The following GPC6 variants were observed in gnomAD, a reference collection of about 807,000 sequenced individuals.
The protein encoded by GPC6 is glypican-6.
A neutral mutation model predicts 55.2 loss-of-function variants in GPC6; 14 were observed. That is an observed-to-expected ratio of 0.25 (90% CI 0.17 to 0.40). The LOEUF (loss-of-function observed/expected upper bound fraction) is 0.40, where lower values mean the gene tolerates loss of function less well. Among genes scored for constraint, GPC6 ranks in the 10% least tolerant of loss-of-function variants. The pLI, the probability that GPC6 is intolerant of heterozygous loss-of-function variation, is 1.00. For synonymous variants in GPC6, 278 were observed against 259.6 expected, an observed-to-expected ratio of 1.07 and a Z score of -0.68; for missense variants, 641 against 708.5, an observed-to-expected ratio of 0.90 and a Z score of 1.08.
chr13:93,554,352 G>C (rs1333520393), intron 2 of GPC6, among the ~76,000 whole-genome samples: 6 of 152,098 alleles, frequency 3.9e-5, no homozygotes, highest in African/African-American at 1.4e-4. Flanking sequence ...TCAATTCCAG[G>C]CTACTTAGCT....
At chr13:93,378,675 T>G (rs771542403) in intron 1 of GPC6, among the ~76,000 whole-genome samples, 18 of 152,154 alleles carry the variant, frequency 1.2e-4, no homozygotes, top group Admixed American at 4.6e-4. Context: ...GATATGTCAC[T>G]TCACCTATCC....
At chr13:94,120,330 A>G (rs1218304873) in intron 4 of GPC6, among the ~76,000 whole-genome samples, 2 of 152,094 alleles carry the variant, frequency 1.3e-5, no homozygotes. Flanking sequence ...AGCAGAAAAC[A>G]TTTGGACAAA....
intron 4 of GPC6, among the ~76,000 whole-genome samples, chr13:94,119,800 T>C (rs1382475345): frequency 1.3e-5 from 2 of 152,038 alleles, no homozygotes; most frequent in African/African-American, 4.8e-5. Context: ...CTTGGGGGAA[T>C]GAAGGGGAAG....
chr13:93,227,152 T>G lies in GPC6; in HGVS notation c.-305T>G. The stretch of plus-strand genomic sequence containing the variant: ...CAGCTCTGAACCCCCATGGTGGTTT[T>G]TTAAACACTTCTTTTCCTTCTCTTC... On this transcript the variant is annotated 5_prime_UTR_variant, in exon 1 of 9. Transcript: ENST00000377047. This position sits in a 1 kb window ranked among gnomAD's most constrained non-coding sequence, Gnocchi z 4.3. 1 of 247,548 alleles carries G rather than the reference T, an allele frequency of 4.0e-6. No homozygotes were observed. The allele number at this position is 247,548 out of a possible 1,614,324, so 15.3% of individuals were successfully genotyped here. A position where few individuals can be genotyped will look rare whatever the true frequency, so the allele number is the denominator to read the frequency against.
At chr13:93,422,463 A>G (rs1876957405) in intron 1 of GPC6, among the ~76,000 whole-genome samples, 1 of 152,218 alleles carries the variant, frequency 6.6e-6, no homozygotes, top group Non-Finnish European at 1.5e-5. Flanking sequence ...ATGTGTTGAA[A>G]ATTTGTAGTT....
At chr13:93,781,488 C>A (rs1262113726) in intron 2 of GPC6, among the ~76,000 whole-genome samples, 1 of 152,094 alleles carries the variant, frequency 6.6e-6, no homozygotes, top group African/African-American at 2.4e-5. Context: ...TGTACACATC[C>A]AGGATCCTTT....
At chr13:93,490,514 G>GTTTTTTTTC (rs1879938310) in intron 1 of GPC6, among the ~76,000 whole-genome samples, 1 of 35,320 alleles carries the variant, frequency 2.8e-5, no homozygotes, top group African/African-American at 1.2e-4. Flanking sequence ...TTTTTTTTGA[G>GTTTTTTTTC]TTTTTTTTTT....
chr13:93,929,482 C>A (rs537183495), intron 3 of GPC6, among the ~76,000 whole-genome samples: 2 of 152,212 alleles, frequency 1.3e-5, no homozygotes, highest in African/African-American at 4.8e-5. Flanking sequence ...ACATTTTATA[C>A]AAAATTAGAG....
At chr13:93,480,826 TTTTG>T (rs1244482850) in intron 1 of GPC6, among the ~76,000 whole-genome samples, 6 of 152,224 alleles carry the variant, frequency 3.9e-5, no homozygotes, top group Non-Finnish European at 8.8e-5. Context: ...ACATGCCACT[TTTTG>T]TTTATCTGTT....
At position 93,448,373 on chromosome 13, in the gene GPC6, T is replaced by C. The variant is rs76651438; in HGVS notation, c.161-96890T>C. Among the ~76,000 whole-genome samples the C allele has an allele frequency of 4.0e-3, 603 of 152,292 alleles. 5 individuals are homozygous for C. Among genetic ancestry groups the C allele is most frequent in the African/African-American group, 0.014 (576 of 41,566 alleles). On this transcript the variant is annotated intron_variant, in intron 1 of 8. Coordinates refer to ENST00000377047, the MANE Select transcript of GPC6 (RefSeq NM_005708.5). ...TTGGTGTACAGTATGCTATATCATC[T>C]AGGTTTATGTAAGTACACTCTATGA... is the stretch of plus-strand genomic sequence containing the variant.
In GPC6 at chr13:93,244,344, C is replaced by G. The variant is rs568318122; in HGVS notation, c.160+16728C>G. ...GACTTCCCCCGCAAGACAGAAACCG[C>G]AGCTCTTAGGCCACACCCCTTCTAG... On this transcript the variant is annotated intron_variant, in intron 1 of 8. Transcript: ENST00000377047. 1.4e-3 allele frequency among the ~76,000 whole-genome samples: 206 copies of G among 152,324 alleles called. 3 individuals are homozygous for G. In the South Asian group the frequency reaches 0.024, roughly 17 times the overall value.
chr13:93,829,397 C>T lies in GPC6; in HGVS notation c.320-757C>T, dbSNP rs189650161. Among the ~76,000 whole-genome samples the T allele has an allele frequency of 4.2e-4, 64 of 152,240 alleles. 2 individuals carry two copies. The highest frequency in any genetic ancestry group is 1.9e-4 in the East Asian group (1 of 5,180). The stretch of plus-strand genomic sequence containing the variant: ...ATAAGGGATCCCAGTAACACTCAAG[C>T]GCTGTTGCAAAGTGGAAGATTTGAA... On this transcript the variant is annotated intron_variant, in intron 2 of 8. Transcript: ENST00000377047.
Position 93,426,356 on chromosome 13 carries a change from A to G in GPC6, c.161-118907A>G, listed in dbSNP as rs182936931. On this transcript the variant is annotated intron_variant, in intron 1 of 8. Coordinates refer to ENST00000377047, the MANE Select transcript of GPC6 (RefSeq NM_005708.5). ...ACCCATTAACTCGTCATCTAGCATT[A>G]GGTATATCTCCTAAAGCTATCCCTT... Among the ~76,000 whole-genome samples, 1,202 of 151,574 alleles carry G rather than the reference A, an allele frequency of 7.9e-3. 17 individuals are homozygous for G. The highest frequency in any genetic ancestry group is 0.028 in the African/African-American group (1,136 of 41,302).
At chr13:93,490,761 T>A (rs897340900) in intron 1 of GPC6, among the ~76,000 whole-genome samples, 2 of 120,682 alleles carry the variant, frequency 1.7e-5, no homozygotes, top group African/African-American at 6.2e-5. Flanking sequence ...TGAGTGAGAA[T>A]ATGCGGTGTT....
intron 6 of GPC6, among the ~76,000 whole-genome samples, chr13:94,342,508 G>A (rs1369189007): frequency 1.3e-5 from 2 of 152,196 alleles, no homozygotes; most frequent in Non-Finnish European, 2.9e-5. Context: ...GGAGAGAGCA[G>A]TGCACAGATC....
At chr13:93,728,368 C>A (rs968535423) in intron 2 of GPC6, among the ~76,000 whole-genome samples, 1 of 151,506 alleles carries the variant, frequency 6.6e-6, no homozygotes. Flanking sequence ...AGGCCTACCA[C>A]CACGCCTGGC....
At position 93,323,570 on chromosome 13, in the gene GPC6, G is replaced by A. The variant is rs376479807; in HGVS notation, c.160+95954G>A. On this transcript the variant is annotated intron_variant, in intron 1 of 8. Transcript: ENST00000377047. ...ATTTTGTGTGGGGTTAGCAAGTTCCGCCTCCTCAACAGGACTATGCCTGTG... is the reference window on the plus strand; with the variant it reads ...ATTTTGTGTGGGGTTAGCAAGTTCCACCTCCTCAACAGGACTATGCCTGTG... 2.7e-3 allele frequency among the ~76,000 whole-genome samples: 417 copies of A among 152,182 alleles called. 3 individuals are homozygous for A. Among genetic ancestry groups the A allele is most frequent in the Non-Finnish European group, 4.6e-3 (314 of 68,018 alleles).
intron 1 of GPC6, among the ~76,000 whole-genome samples, chr13:93,523,298 A>ATATGT (rs1555307742): frequency 6.6e-6 from 1 of 150,612 alleles, no homozygotes; most frequent in African/African-American, 2.4e-5. Flanking sequence ...TGTAAATAAC[A>ATATGT]TATAAGGGTA....
At chr13:93,661,248 C>T (rs1455124335) in intron 2 of GPC6, among the ~76,000 whole-genome samples, 3 of 152,060 alleles carry the variant, frequency 2.0e-5, no homozygotes, top group African/African-American at 7.2e-5. Context: ...GAGCCTCACT[C>T]TGTCACCCAG....
Sources: gnomAD v4.1 joint callset for allele counts (sites outside exome capture counted in the v4.1 genomes callset) on GRCh38, gnomAD v4.1.1 for gene constraint, Gnocchi (gnomAD v3.1) non-coding constraint, MANE v1.5 for transcripts, NCBI Gene and HGNC (gene_info 2026-07-23, HGNC 2026-07-21) for gene names.